Variants in KCNJ3 observed in about 807,000 individuals in gnomAD.
KCNJ3 encodes the protein G protein-activated inward rectifier potassium channel 1.
KCNJ3 carries 4 observed loss-of-function variants against 39.2 expected under a neutral mutation model. The observed-to-expected ratio is 0.10, with a 90% CI of 0.05 to 0.23. KCNJ3 has a LOEUF of 0.23. Ranked by LOEUF, KCNJ3 falls within the 10% of genes least tolerant of loss-of-function variation. The pLI, the probability that KCNJ3 is intolerant of heterozygous loss-of-function variation, is 1.00. For missense variants in KCNJ3, 276 were observed against 634.9 expected, an observed-to-expected ratio of 0.43 and a Z score of 6.08; for synonymous variants, 230 against 237.4, an observed-to-expected ratio of 0.97 and a Z score of 0.29.
chr2:154,723,368 C>T (rs951805239), intron 2 of KCNJ3, among the ~76,000 whole-genome samples: 2 of 151,860 alleles, frequency 1.3e-5, no homozygotes, highest in African/African-American at 2.4e-5. Context: ...GTGAGGTATA[C>T]GAAGAGGAAT....
chr2:154,721,080 C>T (rs967115402), intron 2 of KCNJ3, among the ~76,000 whole-genome samples: 2 of 151,918 alleles, frequency 1.3e-5, no homozygotes, highest in African/African-American at 4.8e-5. Flanking sequence ...CATTACCCTC[C>T]ATTTTAATTT....
intron 2 of KCNJ3, among the ~76,000 whole-genome samples, chr2:154,792,626 A>G (rs1296913771): frequency 3.3e-5 from 5 of 152,112 alleles, no homozygotes; most frequent in African/African-American, 4.8e-5. Flanking sequence ...AGATTATTCA[A>G]TCAATCACTA....
At chr2:154,813,963 T>G (rs532313288) in intron 2 of KCNJ3, among the ~76,000 whole-genome samples, 1 of 152,330 alleles carries the variant, frequency 6.6e-6, no homozygotes, top group Admixed American at 6.5e-5. Flanking sequence ...AGTTGTAGCC[T>G]TTAAAAATGT....
At chr2:154,802,694 T>C (rs933388324) in intron 2 of KCNJ3, among the ~76,000 whole-genome samples, 4 of 152,168 alleles carry the variant, frequency 2.6e-5, no homozygotes, top group Admixed American at 2.6e-4. Flanking sequence ...TAATTCTATC[T>C]CATTCAGTCT....
At position 154,855,809 on chromosome 2, in the gene KCNJ3, ATATC is replaced by A. The variant is rs1558893103; in HGVS notation, c.*498_*501del. On this transcript the variant is annotated 3_prime_UTR_variant, in exon 3 of 3. Transcript: ENST00000295101. Reference sequence around the variant, plus strand: ...TACACATACATACATACATACATATATATCTGATAAAATTGTGATGTTTTGTTCA... The same window carrying A: ...TACACATACATACATACATACATATATGATAAAATTGTGATGTTTTGTTCA... 6.6e-6 allele frequency: 1 copy of A among 152,436 alleles called. No homozygotes were observed. The highest frequency in any genetic ancestry group is 2.4e-5 in the African/African-American group (1 of 41,410). 9.4% of individuals were successfully genotyped at this position (152,436 alleles called of 1,614,324 possible).
At chr2:154,845,701 T>A (rs1687652386) in intron 2 of KCNJ3, among the ~76,000 whole-genome samples, 1 of 152,046 alleles carries the variant, frequency 6.6e-6, no homozygotes, top group South Asian at 2.1e-4. Context: ...CCAGGTACAG[T>A]GGCTCACGCC....
intron 2 of KCNJ3, among the ~76,000 whole-genome samples, chr2:154,743,696 T>C (rs979132687): frequency 6.6e-6 from 1 of 151,680 alleles, no homozygotes; most frequent in Non-Finnish European, 1.5e-5. Context: ...AACTTGCTGA[T>C]CTTACATATT....
chr2:154,830,160 T>G (rs1252284126), intron 2 of KCNJ3, among the ~76,000 whole-genome samples: 1 of 152,178 alleles, frequency 6.6e-6, no homozygotes, highest in Non-Finnish European at 1.5e-5. Flanking sequence ...TCAGTTTCCC[T>G]CTTTGATATA....
At chr2:154,821,518 T>C (rs1687177208) in intron 2 of KCNJ3, among the ~76,000 whole-genome samples, 1 of 152,182 alleles carries the variant, frequency 6.6e-6, no homozygotes, top group South Asian at 2.1e-4. Flanking sequence ...TTAGTGTATT[T>C]TGTACTTTCC....
At chr2:154,799,269 A>G in intron 2 of KCNJ3, among the ~76,000 whole-genome samples, 1 of 152,048 alleles carries the variant, frequency 6.6e-6, no homozygotes, top group East Asian at 1.9e-4. Flanking sequence ...TAGCTGGGAT[A>G]GCTGGGGTTA....
chr2:154,736,467 C>T (rs1220412526), intron 2 of KCNJ3, among the ~76,000 whole-genome samples: 7 of 148,598 alleles, frequency 4.7e-5, no homozygotes, highest in African/African-American at 7.5e-5. Flanking sequence ...TTGTGGCCCC[C>T]GATTTGACTT....
intron 2 of KCNJ3, among the ~76,000 whole-genome samples, chr2:154,797,621 A>G (rs1686744667): frequency 6.6e-6 from 1 of 152,084 alleles, no homozygotes. Flanking sequence ...ATAAGGATAT[A>G]CATATAAACA....
intron 2 of KCNJ3, among the ~76,000 whole-genome samples, chr2:154,843,873 G>C (rs1687620545): frequency 6.6e-6 from 1 of 152,028 alleles, no homozygotes; most frequent in Admixed American, 6.6e-5. Flanking sequence ...TACCTTCCTT[G>C]CTATGGGTTC....
At chr2:154,840,446 C>T (rs2105128910) in intron 2 of KCNJ3, among the ~76,000 whole-genome samples, 1 of 152,224 alleles carries the variant, frequency 6.6e-6, no homozygotes, top group South Asian at 2.1e-4. Flanking sequence ...TCCATATGAA[C>T]TTTAAAGTAG....
At chr2:154,850,547 C>T (rs1687742390) in intron 2 of KCNJ3, among the ~76,000 whole-genome samples, 1 of 152,116 alleles carries the variant, frequency 6.6e-6, no homozygotes, top group African/African-American at 2.4e-5. Flanking sequence ...AGACATTTTT[C>T]TGTTATCCAA....
intron 2 of KCNJ3, among the ~76,000 whole-genome samples, chr2:154,750,180 A>G (rs1232959501): frequency 1.3e-5 from 2 of 152,074 alleles, no homozygotes; most frequent in Non-Finnish European, 2.9e-5. Context: ...TGTGCAACAT[A>G]TAAATGAAAT....
At position 154,699,850 on chromosome 2, in the gene KCNJ3, C is replaced by T. The variant is rs1424820506; in HGVS notation, c.702+373C>T. 6.6e-6 allele frequency among the ~76,000 whole-genome samples: 1 copy of T among 152,134 alleles called. No individual in the cohort carries two copies. The highest frequency in any genetic ancestry group is 1.5e-5 in the Non-Finnish European group (1 of 68,036). On this transcript the variant is annotated intron_variant, in intron 1 of 2. Coordinates refer to ENST00000295101, the MANE Select transcript of KCNJ3 (RefSeq NM_002239.4). The surrounding 1 kb of genome is among the most constrained non-coding windows in gnomAD (Gnocchi z 6.4). ...TTTATTTGTTGTCTACACACTACCC[C>T]ATTCAATGCGAGGTACTAGAACTCA...
At chr2:154,708,664 C>A (rs76622790) in intron 1 of KCNJ3, among the ~76,000 whole-genome samples, 7,090 of 151,832 alleles carry the variant, frequency 0.047, 215 homozygotes, top group Non-Finnish European at 0.052. Context: ...TATATGTGAC[C>A]GATATGGAAA....
chr2:154,854,226 T>C (rs549960209), intron 2 of KCNJ3, among the ~76,000 whole-genome samples: 115 of 152,288 alleles, frequency 7.6e-4, no homozygotes, highest in South Asian at 2.5e-3. Context: ...TATTTCATGG[T>C]CACAGCAGTG....
Sources: allele counts gnomAD v4.1 joint callset (sites outside exome capture counted in the v4.1 genomes callset), GRCh38; gene constraint gnomAD v4.1.1; non-coding constraint Gnocchi (gnomAD v3.1); transcripts MANE v1.5; gene names NCBI Gene and HGNC (gene_info 2026-07-23, HGNC 2026-07-21).